Variants in MAPKAPK3 observed in about 807,000 individuals in gnomAD.
MAPKAPK3 encodes the protein MAP kinase-activated protein kinase 3.
In MAPKAPK3, 35 loss-of-function variants were observed where a neutral mutation model predicts 49.2. That is an observed-to-expected ratio of 0.71 (90% confidence interval 0.54 to 0.94). MAPKAPK3 has a LOEUF of 0.94. Among genes scored for constraint, MAPKAPK3 ranks in the 40% least tolerant of loss-of-function variants. The pLI is 0.00. For synonymous variants in MAPKAPK3, 178 were observed against 188.7 expected (o/e 0.94, Z 0.46); for missense variants, 398 against 493.1 (o/e 0.81, Z 1.83).
intron 2 of MAPKAPK3, among the ~76,000 whole-genome samples, chr3:50,623,392 C>G (rs751641859): frequency 6.6e-6 from 1 of 152,196 alleles, no homozygotes; most frequent in African/African-American, 2.4e-5. Flanking sequence ...TGAGATGGTT[C>G]GTACCGTGCC....
intron 2 of MAPKAPK3, 33 bp downstream of exon 2, chr3:50,617,817 C>A: frequency 6.4e-7 from 1 of 1,552,326 alleles, no homozygotes; most frequent in Non-Finnish European, 8.9e-7. Context: ...CTGGGGTATC[C>A]TGGAGGGTCC....
At chr3:50,618,782 C>G (rs2107571503) in intron 2 of MAPKAPK3, among the ~76,000 whole-genome samples, 1 of 152,294 alleles carries the variant, frequency 6.6e-6, no homozygotes. Flanking sequence ...CTCCACCTCC[C>G]AGGTTCAAGC....
chr3:50,646,161 C>T lies in MAPKAPK3; in HGVS notation c.726C>T (p.Phe242=), dbSNP rs2033286444. 3.7e-6 allele frequency: 6 copies of T among 1,614,088 alleles called. No individual in the cohort carries two copies. The highest frequency in any genetic ancestry group is 5.1e-6 in the Non-Finnish European group (6 of 1,179,974). The part of the protein sequence containing the change: ...MYILLCGFPP[F]YSNTGQAISP... ...CCAGCCTTTGTGGCTTCCCACCCTT[C>T]TACTCCAACACGGGCCAGGCCATCT... The change falls in exon 8 of 11, where the codon TTC becomes TTT. Residue 242 remains phenylalanine, a synonymous_variant. Transcript: ENST00000621469.
chr3:50,639,845 C>T (rs1160885644), intron 2 of MAPKAPK3, among the ~76,000 whole-genome samples: 2 of 152,222 alleles, frequency 1.3e-5, no homozygotes, highest in Non-Finnish European at 2.9e-5. Flanking sequence ...ACTTACATTT[C>T]TCATAGATGC....
chr3:50,621,059 G>T (rs963264548), intron 2 of MAPKAPK3, among the ~76,000 whole-genome samples: 26 of 152,334 alleles, frequency 1.7e-4, no homozygotes, highest in African/African-American at 4.1e-4. Context: ...AGTGGGGGGT[G>T]TAGCAGAGGC....
chr3:50,646,891 G>A (rs1172247633), intron 9 of MAPKAPK3, 66 bp downstream of exon 9: 1 of 1,528,322 alleles, frequency 6.5e-7, no homozygotes, highest in Non-Finnish European at 9.1e-7. Flanking sequence ...GGGCAGGAGG[G>A]TGGTGGCTCT....
At chr3:50,630,647 C>CG (rs1260982292) in intron 2 of MAPKAPK3, among the ~76,000 whole-genome samples, 1 of 152,234 alleles carries the variant, frequency 6.6e-6, no homozygotes, top group African/African-American at 2.4e-5. Context: ...GCCAAGCTCT[C>CG]GGAAGGAGTG....
intron 2 of MAPKAPK3, among the ~76,000 whole-genome samples, chr3:50,621,936 T>G (rs1484315454): frequency 6.6e-6 from 1 of 152,184 alleles, no homozygotes; most frequent in Non-Finnish European, 1.5e-5. Context: ...CTTCTTCCCT[T>G]CTTTGTTAAG....
intron 5 of MAPKAPK3, 51 bp from the exon 6 acceptor site, chr3:50,644,358 G>A (rs1170771424): frequency 1.2e-6 from 2 of 1,608,620 alleles, no homozygotes; most frequent in Non-Finnish European, 1.7e-6. Context: ...TTGGGGCTCT[G>A]CTCCTGCCTG....
chr3:50,631,282 C>A (rs1169170829), intron 2 of MAPKAPK3, among the ~76,000 whole-genome samples: 1 of 152,232 alleles, frequency 6.6e-6, no homozygotes, highest in Admixed American at 6.5e-5. Context: ...TATTACACTA[C>A]CTTCCAGCTC....
At chr3:50,611,743 C>A, upstream of MAPKAPK3, 2 of 1,390,294 alleles carry the variant, frequency 1.4e-6, no homozygotes, top group Non-Finnish European at 1.9e-6. Flanking sequence ...GCTGGGTAGG[C>A]TCCCGGGGCG....
chr3:50,644,481 G>C lies in MAPKAPK3; in HGVS notation c.577G>C (p.Glu193Gln). Reference sequence around the variant, plus strand: ...GCTCACCGATTTTGGCTTTGCTAAGGAGACCACCCAAAATGCCCTGCAGAC... The same window carrying C: ...GCTCACCGATTTTGGCTTTGCTAAGCAGACCACCCAAAATGCCCTGCAGAC... ...LKLTDFGFAKETTQNALQTPC... is the reference protein window; with the variant it reads ...LKLTDFGFAKQTTQNALQTPC... The change falls in exon 6 of 11, where the codon GAG becomes CAG. Residue 193 changes from glutamate (E) to glutamine (Q), a missense_variant. Around this residue, in one of 5 missense-constraint regions of MAPKAPK3, gnomAD observed 30 missense variants for 70.5 expected, o/e 0.43. Coordinates refer to ENST00000621469, the MANE Select transcript of MAPKAPK3 (RefSeq NM_001243925.2). The C allele has an allele frequency of 6.2e-7, 1 of 1,614,158 alleles. No homozygotes were observed. The highest frequency in any genetic ancestry group is 8.5e-7 in the Non-Finnish European group (1 of 1,180,006).
chr3:50,644,181 C>T (rs1204576891), intron 5 of MAPKAPK3, among the ~76,000 whole-genome samples: 2 of 152,230 alleles, frequency 1.3e-5, no homozygotes, highest in African/African-American at 2.4e-5. Flanking sequence ...TGGTCATTCA[C>T]AGCCTTGGCT....
intron 2 of MAPKAPK3, among the ~76,000 whole-genome samples, chr3:50,624,973 T>C (rs2032703517): frequency 6.6e-6 from 1 of 152,158 alleles, no homozygotes; most frequent in South Asian, 2.1e-4. Flanking sequence ...CCTCCATCTA[T>C]TGGACATCTT....
chr3:50,625,896 TC>T (rs2107579159), intron 2 of MAPKAPK3, among the ~76,000 whole-genome samples: 1 of 151,916 alleles, frequency 6.6e-6, no homozygotes, highest in African/African-American at 2.4e-5. Context: ...GGCAGCTCAC[TC>T]CCCCACCCCC....
intron 2 of MAPKAPK3, among the ~76,000 whole-genome samples, chr3:50,618,297 T>C (rs2032521842): frequency 6.6e-6 from 1 of 152,180 alleles, no homozygotes; most frequent in Non-Finnish European, 1.5e-5. Context: ...TGATGCCCAC[T>C]GCACCTGTGG....
intron 2 of MAPKAPK3, among the ~76,000 whole-genome samples, chr3:50,631,717 C>A (rs1262094035): frequency 6.6e-6 from 1 of 152,090 alleles, no homozygotes; most frequent in Non-Finnish European, 1.5e-5. Context: ...GAGTCGAAGA[C>A]TTGTCAAGGA....
In MAPKAPK3 at chr3:50,635,920, CAAAAAAAAAA is replaced by C. The variant is rs748358137; in HGVS notation, c.220-4429_220-4420del. 3.3e-4 allele frequency among the ~76,000 whole-genome samples: 24 copies of C among 73,488 alleles called. 1 individual carries two copies. The highest frequency in any genetic ancestry group is 3.1e-3 in the Admixed American group (17 of 5,472). 48.2% of individuals were successfully genotyped at this position (73,488 alleles called of 152,430 possible). A position where few individuals can be genotyped will look rare whatever the true frequency, so the allele number is the denominator to read the frequency against. On this transcript the variant is annotated intron_variant, in intron 2 of 10. Coordinates refer to ENST00000621469, the MANE Select transcript of MAPKAPK3 (RefSeq NM_001243925.2). ...CAACATGATAAAACCCCGTCTCTAC[CAAAAAAAAAA>C]AAAAAAAAAAAAAAAACCAAAAAAA...
intron 2 of MAPKAPK3, among the ~76,000 whole-genome samples, chr3:50,630,481 A>G (rs1340254976): frequency 6.6e-6 from 1 of 152,268 alleles, no homozygotes; most frequent in African/African-American, 2.4e-5. Flanking sequence ...CCTGACCCTC[A>G]GTTTCCTCAT....
Sources: allele counts gnomAD v4.1 joint callset (sites outside exome capture counted in the v4.1 genomes callset), GRCh38; gene constraint gnomAD v4.1.1; regional missense constraint gnomAD v4.1.1; transcripts MANE v1.5; gene names NCBI Gene and HGNC (gene_info 2026-07-23, HGNC 2026-07-21).